Variants in PTCHD1 observed in about 807,000 individuals in gnomAD.
PTCHD1 encodes the protein patched domain-containing protein 1.
PTCHD1 carries 3 observed loss-of-function variants against 34.6 expected under a neutral mutation model. The observed-to-expected ratio is 0.09, with a 90% confidence interval of 0.04 to 0.22. The LOEUF (loss-of-function observed/expected upper bound fraction) is 0.22, where lower values mean the gene tolerates loss of function less well. Ranked by LOEUF, PTCHD1 falls within the 10% of genes least tolerant of loss-of-function variation. PTCHD1 has a pLI of 1.00. For missense variants in PTCHD1, 504 were observed against 685.5 expected, an observed-to-expected ratio of 0.74 and a Z score of 2.96; for synonymous variants, 305 against 283.1, an observed-to-expected ratio of 1.08 and a Z score of -0.77.
At chrX:23,335,256 G>A (rs756207717) in intron 1 of PTCHD1, 30 bp downstream of exon 1, 1 of 1,133,433 alleles carries the variant, frequency 8.8e-7, no homozygotes, top group Non-Finnish European at 1.2e-6. Context: ...GGCAGACTCC[G>A]CCAGCGCCGC....
chrX:23,352,145 G>T (rs1265162426), intron 1 of PTCHD1, among the ~76,000 whole-genome samples: 1 of 112,063 alleles, frequency 8.9e-6, no homozygotes, highest in Admixed American at 9.4e-5. Context: ...AGGAGGGCGA[G>T]AAGGGGAGTA....
chrX:23,344,387 A>G (rs1921420278), intron 1 of PTCHD1, among the ~76,000 whole-genome samples: 1 of 112,368 alleles, frequency 8.9e-6, no homozygotes, highest in Non-Finnish European at 1.9e-5. Context: ...GTGTGTTATC[A>G]TTATTACTAT....
chrX:23,402,018 G>C lies in PTCHD1; in HGVS notation c.*7833G>C, dbSNP rs1199972145. The C allele has an allele frequency of 1.8e-5, 2 of 112,319 alleles. No homozygotes were observed. 9.3% of individuals were successfully genotyped at this position (112,319 alleles called of 1,213,427 possible). ...GTATGGAATTGTGGAAATTTATTTA[G>C]AATATTTGCTTGGTGATCCAGAGAA... On this transcript the variant is annotated 3_prime_UTR_variant, in exon 3 of 3. Transcript: ENST00000379361.
chrX:23,336,539 C>T (rs1167840948), intron 1 of PTCHD1, among the ~76,000 whole-genome samples: 1 of 111,905 alleles, frequency 8.9e-6, no homozygotes, highest in Non-Finnish European at 1.9e-5. Flanking sequence ...TCATTATTTT[C>T]CTATGTCCGT....
chrX:23,334,792 C>T (rs1460918504), upstream of PTCHD1: 1 of 439,016 alleles, frequency 2.3e-6, no homozygotes, highest in Non-Finnish European at 2.8e-6. Flanking sequence ...GCCGCTGCCG[C>T]CGCCGCCGCC....
At chrX:23,348,262 TAAAAG>T (rs1410945348) in intron 1 of PTCHD1, among the ~76,000 whole-genome samples, 5 of 73,376 alleles carry the variant, frequency 6.8e-5, no homozygotes, top group Non-Finnish European at 1.2e-4. Flanking sequence ...CACAAAGAGT[TAAAAG>T]AGAAAAAAAA....
intron 1 of PTCHD1, among the ~76,000 whole-genome samples, chrX:23,378,006 A>G (rs1261402113): frequency 8.9e-6 from 1 of 112,048 alleles, no homozygotes. Context: ...CATTCATCAG[A>G]TATGTCATAA....
At chrX:23,344,441 T>G (rs1268289307) in intron 1 of PTCHD1, among the ~76,000 whole-genome samples, 1 of 112,413 alleles carries the variant, frequency 8.9e-6, no homozygotes, top group East Asian at 2.8e-4. Context: ...TGCCAGCTCT[T>G]TCAAAGCCAT....
rs185241258 is a variant in PTCHD1, at chrX:23,371,099, A to G, written c.352-8492A>G. Among the ~76,000 whole-genome samples the G allele has an allele frequency of 4.2e-4, 47 of 111,988 alleles. No homozygotes were observed. In the East Asian group the frequency reaches 6.4e-3, roughly 15 times the overall value. ...ATTCAACTACTTTTTAACCTATAGA[A>G]ATGGCAATTTCATATGGTTTAACCT... is the stretch of plus-strand genomic sequence containing the variant. On this transcript the variant is annotated intron_variant, in intron 1 of 2. Coordinates refer to ENST00000379361, the MANE Select transcript of PTCHD1 (RefSeq NM_173495.3).
chrX:23,345,443 A>G (rs1182825841), intron 1 of PTCHD1, among the ~76,000 whole-genome samples: 1 of 112,274 alleles, frequency 8.9e-6, no homozygotes, highest in Non-Finnish European at 1.9e-5. Context: ...GTAGAGCAGT[A>G]GATTAGTGGA....
chrX:23,374,300 A>C lies in PTCHD1; in HGVS notation c.352-5291A>C, dbSNP rs1418466075. ...AAATACAAAAAAAAAAAAAAAAAAAAAAAAAAAAACCCAAAACCCTGCAAG... is the reference window on the plus strand; with the variant it reads ...AAATACAAAAAAAAAAAAAAAAAAACAAAAAAAAACCCAAAACCCTGCAAG... On this transcript the variant is annotated intron_variant, in intron 1 of 2. Coordinates refer to ENST00000379361, the MANE Select transcript of PTCHD1 (RefSeq NM_173495.3). Among the ~76,000 whole-genome samples the C allele has an allele frequency of 2.1e-5, 2 of 93,649 alleles. 1 individual carries two copies. Among genetic ancestry groups the C allele is most frequent in the South Asian group, 9.7e-4 (2 of 2,067 alleles). 81.3% of individuals were successfully genotyped at this position (93,649 alleles called of 115,157 possible).
chrX:23,336,618 A>T (rs942970075), intron 1 of PTCHD1, among the ~76,000 whole-genome samples: 3 of 112,199 alleles, frequency 2.7e-5, no homozygotes, highest in Non-Finnish European at 5.6e-5. Context: ...TGGAATTAGG[A>T]TCTTCCCACA....
At position 23,393,438 on chromosome X, in the gene PTCHD1, C is replaced by T; in HGVS notation, c.1920C>T (p.Val640=). ...TCTCTAAAAAATACAATGATGAGGT[C>T]GATGTAGTGGCCTCCAGAATGTTTT... The part of the protein sequence containing the change: ...IIFSKKYNDE[V]DVVASRMFLV... The change falls in exon 3 of 3, where the codon GTC becomes GTT. Residue 640 remains valine, a synonymous_variant. Coordinates refer to ENST00000379361, the MANE Select transcript of PTCHD1 (RefSeq NM_173495.3). 1 of 1,209,494 alleles carries T rather than the reference C, an allele frequency of 8.3e-7. No homozygotes were observed. Among genetic ancestry groups the T allele is most frequent in the Non-Finnish European group, 1.1e-6 (1 of 893,782 alleles).
chrX:23,351,470 T>C lies in PTCHD1; in HGVS notation c.351+16244T>C, dbSNP rs1412173846. The C allele has an allele frequency of 3.0e-5, 15 of 502,854 alleles. No individual in the cohort carries two copies. The African/African-American group carries it at 3.3e-4, about 11-fold the overall frequency. The allele number at this position is 502,854 out of a possible 1,213,427, so 41.4% of individuals were successfully genotyped here. On this transcript the variant is annotated intron_variant, in intron 1 of 2. Coordinates refer to ENST00000379361, the MANE Select transcript of PTCHD1 (RefSeq NM_173495.3). ...AAAACATAATTTGAATAAAATAGTT[T>C]TTAATGGATTCTGAAATTTGTCATG...
intron 1 of PTCHD1, among the ~76,000 whole-genome samples, chrX:23,377,236 T>C (rs182471761): frequency 2.7e-5 from 3 of 112,588 alleles, no homozygotes; most frequent in African/African-American, 9.7e-5. Flanking sequence ...GAACAAACAA[T>C]GCACTAAATA....
intron 2 of PTCHD1, among the ~76,000 whole-genome samples, chrX:23,389,303 G>A (rs1412537569): frequency 9.0e-6 from 1 of 111,626 alleles, no homozygotes; most frequent in Non-Finnish European, 1.9e-5. Context: ...TTTCCTATAG[G>A]ATAACAGGCC....
At chrX:23,334,574 G>A, upstream of PTCHD1, 1 of 107,871 alleles carries the variant, frequency 9.3e-6, no homozygotes, top group Non-Finnish European at 1.9e-5. Flanking sequence ...GGGGGGTGGG[G>A]AGGGCGCACG....
intron 1 of PTCHD1, among the ~76,000 whole-genome samples, chrX:23,342,296 A>ACATATATATG (rs1569132050): frequency 7.6e-5 from 1 of 13,155 alleles, no homozygotes; most frequent in East Asian, 9.1e-4. Flanking sequence ...ATATATATAT[A>ACATATATATG]TATATATATA....
In PTCHD1 at chrX:23,363,215, A is replaced by G. The variant is rs139327346; in HGVS notation, c.352-16376A>G. On this transcript the variant is annotated intron_variant, in intron 1 of 2. Transcript: ENST00000379361. Reference sequence around the variant, plus strand: ...AGTCAGGTACGTTTAAGTCTGCAGAAGCTGTCTGCTGCCTTTTGTTCAGCT... The same window carrying G: ...AGTCAGGTACGTTTAAGTCTGCAGAGGCTGTCTGCTGCCTTTTGTTCAGCT... Among the ~76,000 whole-genome samples, 229 of 112,908 alleles carry G rather than the reference A, an allele frequency of 2.0e-3. 2 individuals carry two copies. The highest frequency in any genetic ancestry group is 9.3e-3 in the Middle Eastern group (2 of 216).
Sources: allele counts gnomAD v4.1 joint callset (sites outside exome capture counted in the v4.1 genomes callset), GRCh38; gene constraint gnomAD v4.1.1; transcripts MANE v1.5; gene names NCBI Gene and HGNC (gene_info 2026-07-23, HGNC 2026-07-21).